The following PLAGL1 variants were observed in gnomAD, a reference collection of about 807,000 sequenced individuals.
PLAGL1 encodes zinc finger protein PLAGL1.
In PLAGL1, 1 loss-of-function variant was observed where a neutral mutation model predicts 4.6. That is an observed-to-expected ratio of 0.22 (90% CI 0.08 to 1.03). The LOEUF (loss-of-function observed/expected upper bound fraction) is 1.03, where lower values mean the gene tolerates loss of function less well. Ranked by LOEUF, PLAGL1 falls within the 50% of genes least tolerant of loss-of-function variation. The probability of loss-of-function intolerance (pLI) is 0.58; values close to 1 mark genes in which losing one functional copy is unlikely to be tolerated. For missense variants in PLAGL1, 464 were observed against 570.4 expected, an observed-to-expected ratio of 0.81 and a Z score of 1.90; for synonymous variants, 240 against 237.8, an observed-to-expected ratio of 1.01 and a Z score of -0.08.
chr6:143,992,661 T>C (rs768684721), intron 1 of PLAGL1, among the ~76,000 whole-genome samples: 6 of 152,146 alleles, frequency 3.9e-5, no homozygotes, highest in South Asian at 2.1e-4. Context: ...CCTGTCAAAT[T>C]TACTTGTAGC....
chr6:143,987,448 T>TTTTC (rs1789470193), intron 1 of PLAGL1, among the ~76,000 whole-genome samples: 1 of 145,736 alleles, frequency 6.9e-6, no homozygotes, highest in Non-Finnish European at 1.5e-5. Flanking sequence ...TTTTTTTTTT[T>TTTTC]TTTTTTTTTT....
rs1784211831 is a variant in PLAGL1 at position 143,965,263 on chromosome 6, G to A, written c.-430-445C>T. 1 of 152,136 alleles carries A rather than the reference G, an allele frequency of 6.6e-6. No homozygotes were observed. The highest frequency in any genetic ancestry group is 2.4e-5 in the African/African-American group (1 of 41,428). 9.4% of individuals were successfully genotyped at this position (152,136 alleles called of 1,614,324 possible). A position where few individuals can be genotyped will look rare whatever the true frequency, so the allele number is the denominator to read the frequency against. ...CAAACAAATTCCACTTGAGTTCCGT[G>A]GCTGAATGTCTGAGACCTTCAGAAG... is the stretch of plus-strand genomic sequence containing the variant. On this transcript the variant is annotated intron_variant, in intron 4 of 7. Coordinates refer to ENST00000674357, the MANE Select transcript of PLAGL1 (RefSeq NM_001317162.2). The surrounding 1 kb of genome is among the most constrained non-coding windows in gnomAD (Gnocchi z 7.5).
In PLAGL1 at chr6:143,994,997, A is replaced by AACCATCACAAAG. The variant is rs569974579; in HGVS notation, c.-583-9835_-583-9824dup. Among the ~76,000 whole-genome samples, 97 of 152,216 alleles carry AACCATCACAAAG rather than the reference A, an allele frequency of 6.4e-4. No homozygotes were observed. Among genetic ancestry groups the AACCATCACAAAG allele is most frequent in the Non-Finnish European group, 1.2e-3 (83 of 68,050 alleles). On this transcript the variant is annotated intron_variant, in intron 1 of 7. Transcript: ENST00000674357. The surrounding 1 kb of genome is among the most constrained non-coding windows in gnomAD (Gnocchi z 4.3). The stretch of plus-strand genomic sequence containing the variant: ...GAACAATTAAGAGACAATAAGATAG[A>AACCATCACAAAG]ACCATCACAAAGAGCAGGCACCCTG...
At chr6:144,042,577 C>A (rs1258057000) in intron 1 of PLAGL1, among the ~76,000 whole-genome samples, 1 of 152,090 alleles carries the variant, frequency 6.6e-6, no homozygotes, top group Admixed American at 6.6e-5. Flanking sequence ...GTTACTGTAG[C>A]CTTATAGTAT....
rs1782972499 is a variant in PLAGL1 at position 143,959,795 on chromosome 6, C to T, written c.-325+674G>A. The stretch of plus-strand genomic sequence containing the variant: ...CAAAACGCCTAGCACAGAGTGAGTG[C>T]CCCAAAGGCATTAGCTTCTATTAAT... On this transcript the variant is annotated intron_variant, in intron 6 of 7. Transcript: ENST00000674357. This position sits in a 1 kb window ranked among gnomAD's most constrained non-coding sequence, Gnocchi z 5.3. Among the ~76,000 whole-genome samples, 1 of 152,144 alleles carries T rather than the reference C, an allele frequency of 6.6e-6. No homozygotes were observed. Among genetic ancestry groups the T allele is most frequent in the South Asian group, 2.1e-4 (1 of 4,826 alleles).
intron 1 of PLAGL1, among the ~76,000 whole-genome samples, chr6:144,058,076 ATT>A (rs1245689607): frequency 6.6e-6 from 1 of 152,198 alleles, no homozygotes; most frequent in African/African-American, 2.4e-5. Flanking sequence ...AGACTGGTTA[ATT>A]TACAAAGAAA....
rs575517741 is a variant in PLAGL1 at position 144,034,769 on chromosome 6, A to G, written c.-151+29699T>C. On this transcript the variant is annotated intron_variant, in intron 1 of 3. Transcript: ENST00000437412. This position sits in a 1 kb window ranked among gnomAD's most constrained non-coding sequence, Gnocchi z 4.7. ...CTTGGAGGGGACTGTCATCTTACAT[A>G]GCTGACAGTAATTTTCAGATTTGTG... is the stretch of plus-strand genomic sequence containing the variant. Among the ~76,000 whole-genome samples the G allele has an allele frequency of 4.6e-5, 7 of 152,302 alleles. No homozygotes were observed. In the East Asian group the frequency reaches 1.4e-3, roughly 29 times the overall value.
At position 143,995,737 on chromosome 6, in the gene PLAGL1, C is replaced by T. The variant is rs1288255271; in HGVS notation, c.-583-10563G>A. 6.6e-6 allele frequency among the ~76,000 whole-genome samples: 1 copy of T among 151,756 alleles called. No homozygotes were observed. The highest frequency in any genetic ancestry group is 1.5e-5 in the Non-Finnish European group (1 of 67,934). ...TGAAGACTAAAGGAAGAAAGATCAC[C>T]CTTTCTACATGTTTCATAATATATT... On this transcript the variant is annotated intron_variant, in intron 1 of 7. Coordinates refer to ENST00000674357, the MANE Select transcript of PLAGL1 (RefSeq NM_001317162.2). This position sits in a 1 kb window ranked among gnomAD's most constrained non-coding sequence, Gnocchi z 4.4.
In PLAGL1 at chr6:143,963,669, T is replaced by G. The variant is rs760473688; in HGVS notation, c.-399+1118A>C. 6.6e-6 allele frequency among the ~76,000 whole-genome samples: 1 copy of G among 152,186 alleles called. No individual in the cohort carries two copies. Among genetic ancestry groups the G allele is most frequent in the Non-Finnish European group, 1.5e-5 (1 of 68,030 alleles). ...AAAGTCAACCTCTTCCCATGTCACT[T>G]CCCAGCCTCTCCAAACTTAGAAGCT... On this transcript the variant is annotated intron_variant, in intron 5 of 7. Transcript: ENST00000674357. The surrounding 1 kb of genome is among the most constrained non-coding windows in gnomAD (Gnocchi z 6.1).
intron 1 of PLAGL1, among the ~76,000 whole-genome samples, chr6:144,003,584 A>G (rs1793438643): frequency 6.7e-6 from 1 of 148,896 alleles, no homozygotes; most frequent in African/African-American, 2.5e-5. Flanking sequence ...AGGTCGTGCC[A>G]CTGCACTCCA....
rs1785494881 is a variant in PLAGL1, at chr6:143,971,905, T to C, written c.-543-2927A>G. Among the ~76,000 whole-genome samples the C allele has an allele frequency of 6.6e-6, 1 of 152,252 alleles. No individual in the cohort carries two copies. The highest frequency in any genetic ancestry group is 6.5e-5 in the Admixed American group (1 of 15,292). ...AATATCTAAACATTACGTTGTGGTT[T>C]ATTTTTAGGAAAGAATAACAGAGAA... On this transcript the variant is annotated intron_variant, in intron 2 of 7. Transcript: ENST00000674357. This position sits in a 1 kb window ranked among gnomAD's most constrained non-coding sequence, Gnocchi z 4.7.
Position 143,953,073 on chromosome 6 carries a change from T to C in PLAGL1, c.-324-4613A>G, listed in dbSNP as rs12528876. 0.21 allele frequency among the ~76,000 whole-genome samples: 31,866 copies of C among 152,176 alleles called. 3,591 individuals are homozygous for C. Among genetic ancestry groups the C allele is most frequent in the Admixed American group, 0.33 (5,066 of 15,290 alleles). On this transcript the variant is annotated intron_variant, in intron 6 of 7. Transcript: ENST00000674357. The surrounding 1 kb of genome is among the most constrained non-coding windows in gnomAD (Gnocchi z 5.3). Reference sequence around the variant, plus strand: ...CTACTTTCTCTCACGCTTCTGGCTTTCTCCCTCCTGGAATGTCCTGGGAAC... The same window carrying C: ...CTACTTTCTCTCACGCTTCTGGCTTCCTCCCTCCTGGAATGTCCTGGGAAC...
rs867698964 is a variant in PLAGL1 at position 143,958,889 on chromosome 6, G to A, written c.-325+1580C>T. On this transcript the variant is annotated intron_variant, in intron 6 of 7. Transcript: ENST00000674357. The surrounding 1 kb of genome is among the most constrained non-coding windows in gnomAD (Gnocchi z 5.1). ...AAAGAGTGGAACACTAGCAAGCAGG[G>A]CCTCTTCTCCTTTTCACCTTAAGTC... 1.2e-4 allele frequency among the ~76,000 whole-genome samples: 18 copies of A among 152,272 alleles called. No individual in the cohort carries two copies. The highest frequency in any genetic ancestry group is 6.8e-3 in the Middle Eastern group (2 of 294).
rs1353314673 is a variant in PLAGL1, at chr6:144,004,295, C to T, written c.-584+3795G>A. Among the ~76,000 whole-genome samples, 1 of 152,138 alleles carries T rather than the reference C, an allele frequency of 6.6e-6. No individual in the cohort carries two copies. Among genetic ancestry groups the T allele is most frequent in the Non-Finnish European group, 1.5e-5 (1 of 68,024 alleles). ...CTCCTGAGCTCAAGAGATTCTCCTG[C>T]CTCAGCCTCTTGACTGGCTGGAATT... On this transcript the variant is annotated intron_variant, in intron 1 of 7. Coordinates refer to ENST00000674357, the MANE Select transcript of PLAGL1 (RefSeq NM_001317162.2). The surrounding 1 kb of genome is among the most constrained non-coding windows in gnomAD (Gnocchi z 4.2).
chr6:143,953,095 G>A lies in PLAGL1; in HGVS notation c.-324-4635C>T, dbSNP rs2128534773. ...CTTTCTCCCTCCTGGAATGTCCTGG[G>A]AACCCTTGTCTACCTGGCAAACTTC... On this transcript the variant is annotated intron_variant, in intron 6 of 7. Transcript: ENST00000674357. This position sits in a 1 kb window ranked among gnomAD's most constrained non-coding sequence, Gnocchi z 5.3. Among the ~76,000 whole-genome samples the A allele has an allele frequency of 6.6e-6, 1 of 152,142 alleles. No homozygotes were observed. The highest frequency in any genetic ancestry group is 1.9e-4 in the East Asian group (1 of 5,192).
intron 1 of PLAGL1, among the ~76,000 whole-genome samples, chr6:144,054,650 A>T (rs376732420): frequency 3.3e-5 from 5 of 150,542 alleles, no homozygotes; most frequent in Admixed American, 6.7e-5. Flanking sequence ...TAATGCATGC[A>T]GGGCTTAAAA....
At chr6:144,046,426 C>T (rs995153330) in intron 1 of PLAGL1, among the ~76,000 whole-genome samples, 26 of 152,166 alleles carry the variant, frequency 1.7e-4, no homozygotes, top group African/African-American at 6.3e-4. Context: ...GTTAGTTTTC[C>T]TTCTAACAGT....
chr6:144,013,151 C>T (rs1171622901), upstream of PLAGL1, among the ~76,000 whole-genome samples: 1 of 152,136 alleles, frequency 6.6e-6, no homozygotes, highest in Non-Finnish European at 1.5e-5. The surrounding 1 kb of genome is among the most constrained non-coding windows in gnomAD (Gnocchi z 4.4). Flanking sequence ...CCATTTTATT[C>T]TGCAGACTAT....
Position 144,063,871 on chromosome 6 carries a change from G to C in PLAGL1, c.-151+597C>G, listed in dbSNP as rs1244743349. 1.3e-5 allele frequency among the ~76,000 whole-genome samples: 2 copies of C among 152,168 alleles called. No homozygotes were observed. Among genetic ancestry groups the C allele is most frequent in the Non-Finnish European group, 1.5e-5 (1 of 68,014 alleles). ...TCCCGCGCGCCGCCGGTAATCCGGG[G>C]TGACGCCACGGCCCAGGTCTCTTTT... On this transcript the variant is annotated intron_variant, in intron 1 of 3. Transcript: ENST00000437412. This position sits in a 1 kb window ranked among gnomAD's most constrained non-coding sequence, Gnocchi z 5.7.
Sources: allele counts gnomAD v4.1 joint callset (sites outside exome capture counted in the v4.1 genomes callset), GRCh38; gene constraint gnomAD v4.1.1; non-coding constraint Gnocchi (gnomAD v3.1); transcripts MANE v1.5; gene names NCBI Gene and HGNC (gene_info 2026-07-23, HGNC 2026-07-21).